The following TAFA2 variants were observed in gnomAD, a reference collection of about 807,000 sequenced individuals.
The protein encoded by TAFA2 is TAFA chemokine like family member 2.
Under a neutral mutation model 18.8 loss-of-function variants are expected in TAFA2, and 7 were observed. The observed-to-expected ratio is 0.37, with a 90% CI of 0.21 to 0.70. The LOEUF (loss-of-function observed/expected upper bound fraction) is 0.70. Among genes scored for constraint, TAFA2 ranks in the 30% least tolerant of loss-of-function variants. The pLI, the probability that TAFA2 is intolerant of heterozygous loss-of-function variation, is 0.53. For synonymous variants in TAFA2, 60 were observed against 54.2 expected (o/e 1.11, Z -0.47); for missense variants, 122 against 158.1 (o/e 0.77, Z 1.23).
chr12:62,031,907 T>A (rs1262132681), intron 1 of TAFA2, among the ~76,000 whole-genome samples: 1 of 152,208 alleles, frequency 6.6e-6, no homozygotes, highest in African/African-American at 2.4e-5. Flanking sequence ...CAGACCAATT[T>A]AGTTTATCCG....
intron 1 of TAFA2, among the ~76,000 whole-genome samples, chr12:61,948,772 CAT>C (rs540872565): frequency 2.4e-4 from 37 of 152,254 alleles, no homozygotes; most frequent in African/African-American, 8.4e-4. Context: ...AAATGATATA[CAT>C]GTTTTATGTG....
At chr12:62,012,731 A>C (rs1880812525) in intron 1 of TAFA2, among the ~76,000 whole-genome samples, 1 of 152,210 alleles carries the variant, frequency 6.6e-6, no homozygotes, top group African/African-American at 2.4e-5. Flanking sequence ...ATCAATAAAA[A>C]AGCAAATCAG....
intron 1 of TAFA2, among the ~76,000 whole-genome samples, chr12:61,916,581 T>C (rs954517555): frequency 6.6e-6 from 1 of 152,232 alleles, no homozygotes; most frequent in Non-Finnish European, 1.5e-5. Context: ...AGACCCTCTA[T>C]TGCCTGTTAC....
chr12:61,726,220 C>G (rs554999548), intron 4 of TAFA2, among the ~76,000 whole-genome samples: 14 of 151,328 alleles, frequency 9.3e-5, no homozygotes, highest in Non-Finnish European at 1.6e-4. Flanking sequence ...TTGGTGGGCT[C>G]TTTTTTGGTT....
chr12:61,900,838 T>A (rs1305229040), intron 1 of TAFA2, among the ~76,000 whole-genome samples: 1 of 152,238 alleles, frequency 6.6e-6, no homozygotes, highest in Non-Finnish European at 1.5e-5. Context: ...AAGATTAATG[T>A]TTGTTTTTTA....
chr12:61,945,060 A>G (rs1474314079), intron 1 of TAFA2, among the ~76,000 whole-genome samples: 2 of 147,484 alleles, frequency 1.4e-5, no homozygotes, highest in Non-Finnish European at 3.0e-5. Flanking sequence ...TCCTCAATAA[A>G]ATACTGGCAA....
At chr12:61,714,862 G>T (rs573284100) in intron 4 of TAFA2, among the ~76,000 whole-genome samples, 18 of 152,246 alleles carry the variant, frequency 1.2e-4, no homozygotes, top group African/African-American at 3.6e-4. Flanking sequence ...TAGGTTATCC[G>T]CAGGAGGTAA....
At chr12:62,187,412 A>T (rs1266823122) in intron 1 of TAFA2, among the ~76,000 whole-genome samples, 2 of 152,148 alleles carry the variant, frequency 1.3e-5, no homozygotes, top group African/African-American at 4.8e-5. Context: ...TGCACCTATA[A>T]AGGCAGACAT....
chr12:62,184,045 G>A (rs1454309168), intron 1 of TAFA2, among the ~76,000 whole-genome samples: 1 of 152,046 alleles, frequency 6.6e-6, no homozygotes, highest in African/African-American at 2.4e-5. Context: ...TATGTCCCAA[G>A]GTCTATAGCC....
chr12:62,066,126 C>CATGTGT (rs1555187369), intron 1 of TAFA2, among the ~76,000 whole-genome samples: 1 of 145,470 alleles, frequency 6.9e-6, no homozygotes, highest in Non-Finnish European at 1.5e-5. Context: ...CTGAAACAGC[C>CATGTGT]GTGTGTGTGT....
intron 1 of TAFA2, among the ~76,000 whole-genome samples, chr12:61,929,597 C>T (rs1465863782): frequency 2.0e-5 from 3 of 151,650 alleles, no homozygotes; most frequent in Non-Finnish European, 2.9e-5. Flanking sequence ...GTCGATGTGG[C>T]GATTCCTCAG....
chr12:62,177,974 C>T (rs967259072), intron 1 of TAFA2, among the ~76,000 whole-genome samples: 8 of 152,140 alleles, frequency 5.3e-5, no homozygotes, highest in Admixed American at 3.9e-4. Flanking sequence ...CTCACCAAAG[C>T]ATCTTTCTAA....
At chr12:62,167,871 C>A (rs1018383479) in intron 1 of TAFA2, among the ~76,000 whole-genome samples, 5 of 152,072 alleles carry the variant, frequency 3.3e-5, no homozygotes, top group Non-Finnish European at 7.4e-5. Context: ...GACTCACAAC[C>A]CAACTTGAAA....
In TAFA2 at chr12:62,177,697, C is replaced by T. The variant is rs369915841; in HGVS notation, c.-2+13562G>A. ...CAATTATCTTCATCTAGGTGGGCTA[C>T]AGTTGCTCTGGGGATCTCATTTTAT... On this transcript the variant is annotated intron_variant, in intron 1 of 4. Transcript: ENST00000416284. Among the ~76,000 whole-genome samples, 4 of 152,156 alleles carry T rather than the reference C, an allele frequency of 2.6e-5. No individual in the cohort carries two copies. In the East Asian group the frequency reaches 7.7e-4, roughly 29 times the overall value.
In TAFA2 at chr12:62,093,585, A is replaced by G. The variant is rs146501745; in HGVS notation, c.-2+97674T>C. Among the ~76,000 whole-genome samples, 31 of 152,180 alleles carry G rather than the reference A, an allele frequency of 2.0e-4. No individual in the cohort carries two copies. In the East Asian group the frequency reaches 5.4e-3, roughly 27 times the overall value. ...TTTAGCTATAAAAATAATAACCACT[A>G]GAATTTATACATCCAAACAGGTATT... is the stretch of plus-strand genomic sequence containing the variant. On this transcript the variant is annotated intron_variant, in intron 1 of 4. Transcript: ENST00000416284.
In TAFA2 at chr12:61,912,915, T is replaced by C. The variant is rs868204581; in HGVS notation, c.-1-45489A>G. Among the ~76,000 whole-genome samples, 6 of 152,300 alleles carry C rather than the reference T, an allele frequency of 3.9e-5. No individual in the cohort carries two copies. The Middle Eastern group carries it at 0.01, about 259-fold the overall frequency. ...TCTTTTCTCAGAAAAGCAGCAGCCC[T>C]CTAGGTCTGGGTCATAGAGTTAAAA... On this transcript the variant is annotated intron_variant, in intron 1 of 4. Coordinates refer to ENST00000416284, the MANE Select transcript of TAFA2 (RefSeq NM_178539.5).
intron 1 of TAFA2, among the ~76,000 whole-genome samples, chr12:61,925,306 C>T (rs1592490912): frequency 6.6e-6 from 1 of 152,170 alleles, no homozygotes; most frequent in South Asian, 2.1e-4. Flanking sequence ...CCATATAGCA[C>T]TTATTATAAA....
chr12:61,746,088 T>C (rs1013925659), intron 4 of TAFA2, among the ~76,000 whole-genome samples: 1 of 152,088 alleles, frequency 6.6e-6, no homozygotes, highest in Non-Finnish European at 1.5e-5. Flanking sequence ...CCTTGAATTG[T>C]AATCCCTATA....
intron 2 of TAFA2, among the ~76,000 whole-genome samples, chr12:61,795,774 TAAATAAAAAGAA>T (rs1332890557): frequency 1.4e-5 from 2 of 147,228 alleles, no homozygotes; most frequent in Non-Finnish European, 3.0e-5. Context: ...AAAAAATAAA[TAAATAAAAAGAA>T]AAAGAAAAAT....
Sources: allele counts gnomAD v4.1 joint callset (sites outside exome capture counted in the v4.1 genomes callset), GRCh38; gene constraint gnomAD v4.1.1; transcripts MANE v1.5; gene names NCBI Gene and HGNC (gene_info 2026-07-23, HGNC 2026-07-21).